LYST: variants seen among roughly 807,000 people sequenced by gnomAD.
LYST encodes the protein lysosomal trafficking regulator, also known as lysosomal-trafficking regulator.
Under a neutral mutation model 413.6 loss-of-function variants are expected in LYST, and 192 were observed. The observed-to-expected ratio is 0.46, with a 90% CI of 0.41 to 0.52. LYST has a LOEUF of 0.52. LYST is among the 20% of genes least tolerant of loss of function. LYST has a pLI of 0.00. For synonymous variants in LYST, 1,525 were observed against 1,567.3 expected (o/e 0.97, Z 0.64); for missense variants, 3,815 against 4,499.9 (o/e 0.85, Z 4.35).
chr1:235,785,720 T>C (rs1247109624), intron 14 of LYST, among the ~76,000 whole-genome samples: 1 of 152,202 alleles, frequency 6.6e-6, no homozygotes, highest in Non-Finnish European at 1.5e-5. Context: ...ATTATTCAAC[T>C]TAAACTCATC....
intron 40 of LYST, 128 bp downstream of exon 40, chr1:235,720,533 A>G (rs1663268766): frequency 2.3e-6 from 2 of 870,872 alleles, no homozygotes; most frequent in East Asian, 2.5e-5. Context: ...CCAGGGTGAT[A>G]GGTATGTGGG....
chr1:235,865,850 T>C (rs1572498840), intron 1 of LYST, among the ~76,000 whole-genome samples: 1 of 152,174 alleles, frequency 6.6e-6, no homozygotes, highest in Non-Finnish European at 1.5e-5. Context: ...AAACAAACAA[T>C]AGGAAAATGC....
rs552751942 is a variant in LYST, at chr1:235,708,216, C to T, written c.10143+875G>A. The stretch of plus-strand genomic sequence containing the variant: ...ATAGATAGAAGTCTAAAGGTGCTTT[C>T]ACTATTTATTTCTGGATGGTGATAT... On this transcript the variant is annotated intron_variant, in intron 44 of 52. Transcript: ENST00000389793. Among the ~76,000 whole-genome samples the T allele has an allele frequency of 3.7e-4, 56 of 152,166 alleles. 1 individual carries two copies. In the South Asian group the frequency reaches 0.011, roughly 31 times the overall value.
At chr1:235,776,191 T>C (rs1390140928) in intron 17 of LYST, among the ~76,000 whole-genome samples, 2 of 151,938 alleles carry the variant, frequency 1.3e-5, no homozygotes, top group Non-Finnish European at 2.9e-5. Context: ...AACTAGACAC[T>C]AGATTAAAAA....
At chr1:235,861,126 T>C (rs555130612) in intron 1 of LYST, among the ~76,000 whole-genome samples, 280 of 152,312 alleles carry the variant, frequency 1.8e-3, no homozygotes, top group African/African-American at 6.4e-3. Flanking sequence ...CTAATATGTG[T>C]AGTACTCTAC....
intron 29 of LYST, among the ~76,000 whole-genome samples, chr1:235,745,016 C>T (rs1464650611): frequency 6.6e-6 from 1 of 151,654 alleles, no homozygotes; most frequent in Non-Finnish European, 1.5e-5. Context: ...TCCTGTCTTC[C>T]TCGGGTTACC....
chr1:235,737,819 C>T, intron 31 of LYST: 2 of 861,868 alleles, frequency 2.3e-6, no homozygotes, highest in Non-Finnish European at 2.8e-6. Flanking sequence ...TTCATCATTC[C>T]AAAAATTAAT....
At chr1:235,835,685 T>C (rs914111182) in intron 1 of LYST, among the ~76,000 whole-genome samples, 1 of 152,224 alleles carries the variant, frequency 6.6e-6, no homozygotes, top group African/African-American at 2.4e-5. Context: ...ATTTTTATCA[T>C]CCTGTATCAT....
chr1:235,686,961 A>T lies in LYST; in HGVS notation c.10788T>A (p.Phe3596Leu). The change falls in exon 48 of 53, where the codon TTT becomes TTA. Residue 3596 changes from phenylalanine to leucine, a missense_variant. Coordinates refer to ENST00000389793, the MANE Select transcript of LYST (RefSeq NM_000081.4). The surrounding 1 kb of genome is among the most constrained non-coding windows in gnomAD (Gnocchi z 4.0). ...GCCCAGAACCTACCGTGCTGCTTGT[A>T]AATCTGTTTGTGTAGGCTGTGATGA... ...CGVITAYTNR[F>L]TSSTPSEIEM... The T allele has an allele frequency of 6.2e-7, 1 of 1,613,976 alleles. No individual in the cohort carries two copies. Among genetic ancestry groups the T allele is most frequent in the Non-Finnish European group, 8.5e-7 (1 of 1,179,858 alleles).
In LYST at chr1:235,788,751, C is replaced by T. The variant is rs370150457; in HGVS notation, c.4638G>A (p.Ala1546=). ...GATCAGCCCACACTTGGATCATCAA[C>T]GCTTTGGATCCCAGTGAAATTATAT... ...CIHIISLGSK[A]LMIQVWADPH... is the part of the protein sequence containing the mutation. The change falls in exon 13 of 53, where the codon GCG becomes GCA. Residue 1546 remains alanine (A), a synonymous_variant. Transcript: ENST00000389793. 1.4e-5 allele frequency: 23 copies of T among 1,613,596 alleles called. No individual in the cohort carries two copies. The highest frequency in any genetic ancestry group is 1.6e-4 in the Middle Eastern group (1 of 6,080).
At chr1:235,748,825 C>T (rs890220397) in intron 28 of LYST, among the ~76,000 whole-genome samples, 1 of 152,098 alleles carries the variant, frequency 6.6e-6, no homozygotes, top group Non-Finnish European at 1.5e-5. Flanking sequence ...CATGGATATC[C>T]TGGGGTTCAG....
At chr1:235,811,012 G>GTGCA (rs1673399192) in intron 4 of LYST, among the ~76,000 whole-genome samples, 2 of 152,128 alleles carry the variant, frequency 1.3e-5, no homozygotes, top group South Asian at 4.1e-4. Context: ...AGATGTGGTG[G>GTGCA]TGCACGCCTG....
At position 235,720,723 on chromosome 1, in the gene LYST, G is replaced by A. The variant is rs574759874; in HGVS notation, c.9498C>T (p.Phe3166=). ...TAACGTAGTCAGCAAGTATAAATGG[G>A]AACACAGGATACTGCATGAGATCAT... ...SFNDLMQYPV[F]PFILADYVSE... is the part of the protein sequence containing the mutation. The change falls in exon 40 of 53, where the codon TTC becomes TTT. Residue 3166 remains phenylalanine, a synonymous_variant. Transcript: ENST00000389793. The A allele has an allele frequency of 6.2e-7, 1 of 1,613,600 alleles. No individual in the cohort carries two copies. The highest frequency in any genetic ancestry group is 2.2e-5 in the East Asian group (1 of 44,852).
At position 235,783,581 on chromosome 1, in the gene LYST, T is replaced by C. The variant is rs1670093287; in HGVS notation, c.4863-1494A>G. 2.6e-5 allele frequency among the ~76,000 whole-genome samples: 4 copies of C among 152,186 alleles called. No homozygotes were observed. The South Asian group carries it at 8.3e-4, about 32-fold the overall frequency. ...GGTTGATGGGTGCAGCAAACCACCATGGCACATGTATACCTATGTAACAAA... is the reference window on the plus strand; with the variant it reads ...GGTTGATGGGTGCAGCAAACCACCACGGCACATGTATACCTATGTAACAAA... On this transcript the variant is annotated intron_variant, in intron 14 of 52. Transcript: ENST00000389793.
At chr1:235,766,307 T>C (rs1209001326) in intron 20 of LYST, 30 bp from the exon 21 acceptor site, 3 of 1,511,752 alleles carry the variant, frequency 2.0e-6, no homozygotes, top group Non-Finnish European at 2.7e-6. Flanking sequence ...TCTCTTTAGA[T>C]TTAAAGAATT....
At chr1:235,746,230 G>A (rs1229823599) in intron 29 of LYST, 106 bp downstream of exon 29, 1 of 940,110 alleles carries the variant, frequency 1.1e-6, no homozygotes, top group African/African-American at 1.6e-5. Context: ...GTTAAGAACT[G>A]AAAAATAATG....
chr1:235,866,485 A>AC (rs937430918), intron 1 of LYST, among the ~76,000 whole-genome samples: 25 of 152,292 alleles, frequency 1.6e-4, no homozygotes, highest in African/African-American at 6.0e-4. Context: ...AAAGGTAGCA[A>AC]CACACCGCCG....
At chr1:235,703,032 A>G in intron 44 of LYST, 55 bp from the exon 45 acceptor site, 1 of 1,229,264 alleles carries the variant, frequency 8.1e-7, no homozygotes, top group Non-Finnish European at 1.2e-6. Context: ...GAAAGACTTG[A>G]CAATAATACC....
intron 3 of LYST, chr1:235,829,090 G>C (rs1294140175): frequency 6.6e-6 from 1 of 152,168 alleles, no homozygotes; most frequent in East Asian, 1.9e-4. Flanking sequence ...TGTAGTCCCG[G>C]CTACTTAGGT....
Sources: gnomAD v4.1 joint callset for allele counts (sites outside exome capture counted in the v4.1 genomes callset) on GRCh38, gnomAD v4.1.1 for gene constraint, Gnocchi (gnomAD v3.1) non-coding constraint, MANE v1.5 for transcripts, NCBI Gene and HGNC (gene_info 2026-07-23, HGNC 2026-07-21) for gene names.